KLRG1: variants seen among roughly 807,000 people sequenced by gnomAD.
The protein encoded by KLRG1 is killer cell lectin-like receptor subfamily G member 1.
In KLRG1, 16 loss-of-function variants were observed where a neutral mutation model predicts 21.8. The observed-to-expected ratio is 0.73, with a 90% CI of 0.50 to 1.11. The LOEUF (loss-of-function observed/expected upper bound fraction) is 1.11. Among genes scored for constraint, KLRG1 ranks in the 50% most tolerant of loss-of-function variants. KLRG1 has a pLI of 0.00. For synonymous variants in KLRG1, 69 were observed against 75.9 expected, an observed-to-expected ratio of 0.91 and a Z score of 0.47; for missense variants, 173 against 218.3, an observed-to-expected ratio of 0.79 and a Z score of 1.31.
chr12:8,963,517 A>C (rs1334124131), intron 1 of KLRG1, among the ~76,000 whole-genome samples: 1 of 152,196 alleles, frequency 6.6e-6, no homozygotes, highest in Non-Finnish European at 1.5e-5. Context: ...TGTCTCTGCC[A>C]GGCTTTGGTA....
chr12:9,181,903 T>C, the KLRG1 span: 8 of 1,509,008 alleles, frequency 5.3e-6, no homozygotes, highest in African/African-American at 1.1e-4. Context: ...CTTAGTTTTC[T>C]CTGGGGTAAA....
the KLRG1 span, among the ~76,000 whole-genome samples, chr12:9,190,175 A>T: frequency 1.3e-5 from 2 of 152,194 alleles, no homozygotes; most frequent in Admixed American, 6.5e-5. Context: ...TTGTTCTGTC[A>T]TAAAGACACA....
the KLRG1 span, among the ~76,000 whole-genome samples, chr12:9,172,749 A>C: frequency 6.6e-6 from 1 of 152,128 alleles, no homozygotes; most frequent in African/African-American, 2.4e-5. Context: ...TATAATAGTA[A>C]AGGATTCAAT....
At chr12:9,194,462 GTTT>G in the KLRG1 span, among the ~76,000 whole-genome samples, 6 of 90,796 alleles carry the variant, frequency 6.6e-5, no homozygotes, top group Non-Finnish European at 2.3e-5. Context: ...AAGTCAGGGA[GTTT>G]TTTTTTTTTT....
the KLRG1 span, chr12:9,052,820 T>C: frequency 2.2e-6 from 1 of 455,402 alleles, no homozygotes; most frequent in African/African-American, 2.0e-5. Context: ...CATAATGTGA[T>C]TGTGAGGATA....
chr12:9,038,521 A>G, the KLRG1 span, among the ~76,000 whole-genome samples: 11 of 152,234 alleles, frequency 7.2e-5, no homozygotes, highest in African/African-American at 2.4e-4. Flanking sequence ...AATACCTTCA[A>G]TAAATATCTA....
chr12:9,077,711 T>C, the KLRG1 span: 1 of 1,614,112 alleles, frequency 6.2e-7, no homozygotes, highest in African/African-American at 1.3e-5. Context: ...CTTTATGGCA[T>C]TGTTGAGCAG....
At chr12:9,083,039 T>G in the KLRG1 span, among the ~76,000 whole-genome samples, 1 of 152,148 alleles carries the variant, frequency 6.6e-6, no homozygotes, top group Non-Finnish European at 1.5e-5. Context: ...CCACCAACAG[T>G]GTAAAAGTGT....
the KLRG1 span, chr12:9,077,372 G>T: frequency 6.2e-7 from 1 of 1,613,628 alleles, no homozygotes; most frequent in East Asian, 2.2e-5. Context: ...ATCTCCAGAA[G>T]GGCGATGGTG....
the KLRG1 span, chr12:9,200,266 A>T: frequency 1.3e-6 from 1 of 745,520 alleles, no homozygotes; most frequent in Non-Finnish European, 2.1e-6. Context: ...TAATATTACA[A>T]AAGTGCTGAG....
At chr12:9,020,735 A>G in the KLRG1 span, among the ~76,000 whole-genome samples, 3 of 152,200 alleles carry the variant, frequency 2.0e-5, no homozygotes, top group Non-Finnish European at 1.5e-5. Flanking sequence ...TTTGGATACG[A>G]ATCTTTGAAT....
At chr12:9,146,027 TCTTA>T in the KLRG1 span, among the ~76,000 whole-genome samples, 7 of 152,164 alleles carry the variant, frequency 4.6e-5, no homozygotes. Context: ...ATTGGGTTCA[TCTTA>T]CTTAGTTATT....
At chr12:9,144,755 A>G in the KLRG1 span, among the ~76,000 whole-genome samples, 6 of 151,998 alleles carry the variant, frequency 3.9e-5, no homozygotes, top group Non-Finnish European at 5.9e-5. Flanking sequence ...TCAGAGGGAA[A>G]GTTATCTTGG....
chr12:9,016,159 A>G, the KLRG1 span, among the ~76,000 whole-genome samples: 1 of 152,166 alleles, frequency 6.6e-6, no homozygotes, highest in African/African-American at 2.4e-5. Flanking sequence ...AATAAAGATC[A>G]GAGGAGAAGT....
chr12:9,194,201 T>C, the KLRG1 span: 16 of 1,614,066 alleles, frequency 9.9e-6, no homozygotes, highest in Middle Eastern at 3.3e-4. Flanking sequence ...GAAGAGTTTA[T>C]TGGGGATGGG....
chr12:9,082,297 A>G, the KLRG1 span, among the ~76,000 whole-genome samples: 79 of 152,346 alleles, frequency 5.2e-4, no homozygotes, highest in Admixed American at 8.5e-4. Flanking sequence ...CAGGTCCCAA[A>G]TAGCAGAATC....
At chr12:9,149,482 G>T in the KLRG1 span, 1 of 1,389,158 alleles carries the variant, frequency 7.2e-7, no homozygotes, top group Non-Finnish European at 9.9e-7. Context: ...GAAAAGCCTT[G>T]TAGAGAATTT....
At chr12:9,005,559 G>T (rs773557888) in intron 3 of KLRG1, among the ~76,000 whole-genome samples, 7 of 152,154 alleles carry the variant, frequency 4.6e-5, no homozygotes, top group Admixed American at 3.9e-4. Flanking sequence ...CAGAACAGAC[G>T]ATACAAGAAG....
chr12:9,009,126 C>A, intron 4 of KLRG1, 51 bp downstream of exon 4: 3 of 1,375,230 alleles, frequency 2.2e-6, no homozygotes, highest in Non-Finnish European at 2.0e-6. Flanking sequence ...AAAAGGAAAG[C>A]CAAATTATGA....
Sources: allele counts gnomAD v4.1 joint callset (sites outside exome capture counted in the v4.1 genomes callset), GRCh38; gene constraint gnomAD v4.1.1; transcripts MANE v1.5; gene names NCBI Gene and HGNC (gene_info 2026-07-23, HGNC 2026-07-21).